The following CCNH variants were observed in gnomAD, a reference collection of about 807,000 sequenced individuals.
CCNH encodes the protein cyclin-H.
A neutral mutation model predicts 41.9 loss-of-function variants in CCNH; 31 were observed. That is an observed-to-expected ratio of 0.74 (90% CI 0.56 to 1.00). The LOEUF is 1.00. Ranked by LOEUF, CCNH falls within the 50% of genes least tolerant of loss-of-function variation. The pLI is 0.00. For synonymous variants in CCNH, 138 were observed against 136.1 expected, an observed-to-expected ratio of 1.01 and a Z score of -0.10; for missense variants, 362 against 388.4, an observed-to-expected ratio of 0.93 and a Z score of 0.57.
chr5:87,374,444 T>TGC, downstream of CCNH: 1 of 235,954 alleles, frequency 4.2e-6, no homozygotes, highest in East Asian at 1.2e-4. Flanking sequence ...TCTAATAGCA[T>TGC]ATATATATAT....
chr5:87,399,220 T>C (rs1763201826), intron 7 of CCNH, among the ~76,000 whole-genome samples, 174 bp downstream of exon 7: 1 of 152,172 alleles, frequency 6.6e-6, no homozygotes, highest in East Asian at 1.9e-4. Flanking sequence ...AACTGCACAG[T>C]GAATGCCGAA....
At chr5:87,318,717 T>C (rs888777287) in exon 10 of CCNH, 1 of 152,156 alleles carries the variant, frequency 6.6e-6, no homozygotes, top group African/African-American at 2.4e-5. Flanking sequence ...GAGATTTGGA[T>C]GGGGGTACAG....
chr5:87,327,968 CAA>C (rs777320325), intron 9 of CCNH, among the ~76,000 whole-genome samples: 19 of 111,932 alleles, frequency 1.7e-4, no homozygotes, highest in Admixed American at 2.7e-4. Flanking sequence ...CTCCGTTTCC[CAA>C]AAAAAAAAAA....
Position 87,412,547 on chromosome 5 carries a change from T to C in CCNH, c.117+131A>G, listed in dbSNP as rs1764338448. 4.1e-6 allele frequency: 6 copies of C among 1,459,502 alleles called. No homozygotes were observed. The South Asian group carries it at 6.9e-5, about 17-fold the overall frequency. 90.4% of individuals were successfully genotyped at this position (1,459,502 alleles called of 1,614,324 possible). A position where few individuals can be genotyped will look rare whatever the true frequency, so the allele number is the denominator to read the frequency against. ...CTGGCAAGGTGCTCGCTTATTTTGATAGAAAAACGCACTCCGCGCCGCAGA... is the reference window on the plus strand; with the variant it reads ...CTGGCAAGGTGCTCGCTTATTTTGACAGAAAAACGCACTCCGCGCCGCAGA... On this transcript the variant is annotated intron_variant, in intron 1 of 8. Coordinates refer to ENST00000256897, the MANE Select transcript of CCNH (RefSeq NM_001239.4).
chr5:87,337,935 A>G (rs1758093717), intron 9 of CCNH: 2 of 1,547,060 alleles, frequency 1.3e-6, no homozygotes, highest in Admixed American at 1.9e-5. Flanking sequence ...CTGTATTTAA[A>G]ATTTTTAAAT....
intron 9 of CCNH, chr5:87,383,796 T>C: frequency 6.3e-7 from 1 of 1,595,170 alleles, no homozygotes; most frequent in East Asian, 2.2e-5. Flanking sequence ...CAGCTTTTGA[T>C]ACATTTTGAA....
At chr5:87,343,693 A>G (rs1758642023) in intron 9 of CCNH, among the ~76,000 whole-genome samples, 2 of 152,142 alleles carry the variant, frequency 1.3e-5, no homozygotes, top group African/African-American at 4.8e-5. Context: ...TAAAGCTACC[A>G]TATGATCCGG....
chr5:87,328,764 TG>T (rs1455136171), intron 9 of CCNH, among the ~76,000 whole-genome samples: 1 of 152,150 alleles, frequency 6.6e-6, no homozygotes, highest in Non-Finnish European at 1.5e-5. Context: ...TAAAAGATTG[TG>T]GGTTAAAAAA....
At chr5:87,399,295 A>G in intron 7 of CCNH, 99 bp downstream of exon 7, 2 of 824,882 alleles carry the variant, frequency 2.4e-6, no homozygotes, top group Admixed American at 3.9e-5. Context: ...TGGATCAGTC[A>G]GCTTTCCTCT....
chr5:87,385,518 ATGTT>A, intron 9 of CCNH: 1 of 738,050 alleles, frequency 1.4e-6, no homozygotes, highest in Non-Finnish European at 2.3e-6. Context: ...TTTTGTTGGT[ATGTT>A]TGTTTTTAAA....
At chr5:87,324,654 T>TGC (rs1410082533) in intron 9 of CCNH, among the ~76,000 whole-genome samples, 2 of 152,210 alleles carry the variant, frequency 1.3e-5, no homozygotes, top group Non-Finnish European at 2.9e-5. Context: ...TGCACGCATG[T>TGC]GCACACACAC....
Position 87,377,176 on chromosome 5 carries a change from A to C in CCNH, n.5T>G. The C allele has an allele frequency of 2.6e-6, 3 of 1,173,494 alleles. No homozygotes were observed. The Admixed American group carries it at 5.9e-5, about 23-fold the overall frequency. 72.7% of individuals were successfully genotyped at this position (1,173,494 alleles called of 1,614,324 possible). ...TAAGTTATTCTGTTTTCCCTCCTTA[A>C]AAATTGCAGTTGGATGTCAGTTCTG... On this transcript the variant is annotated non_coding_transcript_exon_variant, in exon 1 of 1. Coordinates refer to the CCNH transcript ENST00000607486.
chr5:87,333,391 G>A (rs1398102385), intron 9 of CCNH: 5 of 1,601,848 alleles, frequency 3.1e-6, no homozygotes, highest in Non-Finnish European at 4.3e-6. Flanking sequence ...AGACTTCGAA[G>A]ATTTATTACT....
At chr5:87,359,879 C>T (rs959557822) in intron 9 of CCNH, among the ~76,000 whole-genome samples, 13 of 152,270 alleles carry the variant, frequency 8.5e-5, no homozygotes, top group Admixed American at 7.8e-4. Context: ...GAAAGGTTTA[C>T]GTACCTGAAA....
At chr5:87,373,777 T>C (rs1244822845), downstream of CCNH, among the ~76,000 whole-genome samples, 1 of 152,184 alleles carries the variant, frequency 6.6e-6, no homozygotes, top group Non-Finnish European at 1.5e-5. Context: ...ATAAGTATTA[T>C]ATAACATACG....
chr5:87,360,800 A>G (rs964043472), intron 9 of CCNH, among the ~76,000 whole-genome samples: 4 of 152,176 alleles, frequency 2.6e-5, no homozygotes, highest in Admixed American at 6.5e-5. Flanking sequence ...TTCTGCCATC[A>G]TGATAAGAGT....
intron 9 of CCNH, among the ~76,000 whole-genome samples, chr5:87,324,087 T>C (rs1467237221): frequency 6.6e-6 from 1 of 152,224 alleles, no homozygotes; most frequent in Non-Finnish European, 1.5e-5. Flanking sequence ...TAAAGTTTAC[T>C]TTTAACCTTC....
chr5:87,404,267 C>T (rs1763630385), intron 5 of CCNH, among the ~76,000 whole-genome samples: 1 of 152,208 alleles, frequency 6.6e-6, no homozygotes, highest in Non-Finnish European at 1.5e-5. Context: ...GCTCTATTTG[C>T]TGCCACCTTA....
At chr5:87,379,879 A>C, upstream of CCNH, 1 of 1,601,484 alleles carries the variant, frequency 6.2e-7, no homozygotes. Flanking sequence ...ATTTGACAAG[A>C]AATTGTGTAT....
Sources: allele counts gnomAD v4.1 joint callset (sites outside exome capture counted in the v4.1 genomes callset), GRCh38; gene constraint gnomAD v4.1.1; transcripts MANE v1.5; gene names NCBI Gene and HGNC (gene_info 2026-07-23, HGNC 2026-07-21).